TBC1D5: variants seen among roughly 807,000 people sequenced by gnomAD.
TBC1D5 encodes the protein TBC1 domain family, member 5.
Under a neutral mutation model 100.3 loss-of-function variants are expected in TBC1D5, and 75 were observed. The ratio of observed to expected loss-of-function variants is 0.75; its 90% CI spans 0.62 to 0.91. TBC1D5 has a LOEUF of 0.91. Ranked by LOEUF, TBC1D5 falls within the 40% of genes least tolerant of loss-of-function variation. The pLI, the probability that TBC1D5 is intolerant of heterozygous loss-of-function variation, is 0.00. For missense variants in TBC1D5, 910 were observed against 942.4 expected, an observed-to-expected ratio of 0.97 and a Z score of 0.45; for synonymous variants, 323 against 325.6, an observed-to-expected ratio of 0.99 and a Z score of 0.09.
intron 4 of TBC1D5, among the ~76,000 whole-genome samples, chr3:17,424,539 T>C (rs1329268334): frequency 1.3e-5 from 2 of 152,230 alleles, no homozygotes; most frequent in African/African-American, 4.8e-5. Flanking sequence ...AAGATATATT[T>C]CACAAAACCA....
chr3:17,454,742 G>A (rs1298202559), intron 3 of TBC1D5, among the ~76,000 whole-genome samples: 3 of 152,162 alleles, frequency 2.0e-5, no homozygotes, highest in Non-Finnish European at 2.9e-5. Context: ...TTACAGGCAT[G>A]AGCCACCGTG....
chr3:17,440,453 C>T lies in TBC1D5; in HGVS notation c.98-11934G>A, dbSNP rs1411836131. Among the ~76,000 whole-genome samples, 6 of 152,134 alleles carry T rather than the reference C, an allele frequency of 3.9e-5. No homozygotes were observed. The East Asian group carries it at 1.2e-3, about 29-fold the overall frequency. ...CCAGCCTGGGCTACATGGCAAAACT[C>T]ATATTTACAAAAAATTAGCCGGGCA... On this transcript the variant is annotated intron_variant, in intron 3 of 21. Transcript: ENST00000253692.
At chr3:17,532,467 C>T (rs1215403101) in intron 2 of TBC1D5, among the ~76,000 whole-genome samples, 1 of 152,086 alleles carries the variant, frequency 6.6e-6, no homozygotes, top group East Asian at 1.9e-4. Flanking sequence ...ACCATTTGAC[C>T]CAGCCATCCC....
intron 3 of TBC1D5, among the ~76,000 whole-genome samples, chr3:17,478,161 C>A (rs1177817450): frequency 6.6e-6 from 1 of 152,096 alleles, no homozygotes; most frequent in Non-Finnish European, 1.5e-5. Flanking sequence ...TACTGTTGAG[C>A]TCTCATTGCT....
intron 1 of TBC1D5, among the ~76,000 whole-genome samples, chr3:17,677,554 TA>T (rs1171804741): frequency 1.3e-5 from 2 of 152,192 alleles, no homozygotes; most frequent in Non-Finnish European, 2.9e-5. Context: ...GGTGGGACTG[TA>T]AACTAGTTCA....
intron 1 of TBC1D5, among the ~76,000 whole-genome samples, chr3:17,644,579 A>G (rs962674175): frequency 1.3e-5 from 2 of 152,154 alleles, no homozygotes; most frequent in Non-Finnish European, 2.9e-5. Context: ...ACTGCAGGCT[A>G]CAAAAGTTGA....
At chr3:17,280,968 A>C (rs2080522235) in intron 15 of TBC1D5, among the ~76,000 whole-genome samples, 1 of 152,208 alleles carries the variant, frequency 6.6e-6, no homozygotes, top group Admixed American at 6.5e-5. Flanking sequence ...TCAGGTGCCC[A>C]AAAGCACTCA....
chr3:17,392,369 T>TA (rs2093376359), intron 8 of TBC1D5, among the ~76,000 whole-genome samples: 1 of 151,372 alleles, frequency 6.6e-6, no homozygotes, highest in African/African-American at 2.5e-5. Flanking sequence ...GACCCTTTTT[T>TA]TAAAAAAAAA....
At chr3:17,385,393 C>T (rs2152262588) in intron 8 of TBC1D5, among the ~76,000 whole-genome samples, 1 of 152,110 alleles carries the variant, frequency 6.6e-6, no homozygotes, top group East Asian at 1.9e-4. Flanking sequence ...CTTAATGAGT[C>T]TTTTAAGAGC....
At chr3:17,302,317 G>A (rs2082931600) in intron 14 of TBC1D5, among the ~76,000 whole-genome samples, 1 of 152,048 alleles carries the variant, frequency 6.6e-6, no homozygotes. Flanking sequence ...TCTTCCCTCT[G>A]TGCATGTCTC....
At chr3:17,349,481 G>A (rs2090302159) in intron 13 of TBC1D5, among the ~76,000 whole-genome samples, 1 of 152,164 alleles carries the variant, frequency 6.6e-6, no homozygotes, top group Admixed American at 6.5e-5. Context: ...TCATTTGAGT[G>A]ATACTTCTCA....
intron 16 of TBC1D5, among the ~76,000 whole-genome samples, chr3:17,254,401 T>C (rs930103298): frequency 1.3e-5 from 2 of 152,246 alleles, no homozygotes; most frequent in Admixed American, 6.5e-5. Flanking sequence ...TATTTTATTT[T>C]ATCCATTATA....
At chr3:17,506,866 A>C (rs1024938481) in intron 3 of TBC1D5, among the ~76,000 whole-genome samples, 1 of 152,204 alleles carries the variant, frequency 6.6e-6, no homozygotes, top group Admixed American at 6.5e-5. Context: ...ACACAAAAAA[A>C]TTAGCCAGGC....
At position 17,598,944 on chromosome 3, in the gene TBC1D5, T is replaced by G. The variant is rs536020023; in HGVS notation, c.-36+24905A>C. Among the ~76,000 whole-genome samples, 3 of 152,262 alleles carry G rather than the reference T, an allele frequency of 2.0e-5. 1 individual carries two copies. In the South Asian group the frequency reaches 6.2e-4, roughly 32 times the overall value. ...GGTTGGATAATTATCAGGAACTTAG[T>G]GAGAAACATAGCTTTAAGGGTCAGG... On this transcript the variant is annotated intron_variant, in intron 2 of 21. Coordinates refer to ENST00000253692, the Ensembl canonical transcript of TBC1D5.
chr3:17,454,681 T>C (rs35521582), intron 3 of TBC1D5, among the ~76,000 whole-genome samples: 77,011 of 151,874 alleles, frequency 0.51, 21,418 homozygotes, highest in African/African-American at 0.72. Flanking sequence ...AGGATGGTCT[T>C]GATCTCCTGA....
chr3:17,740,521 A>G (rs1271950002), exon 1 of TBC1D5: 1 of 152,204 alleles, frequency 6.6e-6, no homozygotes. Context: ...AGTATAAATA[A>G]AAAGAAAAAA....
chr3:17,281,552 G>C (rs1017962522), intron 15 of TBC1D5, among the ~76,000 whole-genome samples: 1 of 152,308 alleles, frequency 6.6e-6, no homozygotes, highest in South Asian at 2.1e-4. Flanking sequence ...CTGAGGTATA[G>C]AGAAAATCTT....
At chr3:17,552,460 T>C (rs1170973212) in intron 2 of TBC1D5, among the ~76,000 whole-genome samples, 1 of 152,028 alleles carries the variant, frequency 6.6e-6, no homozygotes, top group East Asian at 1.9e-4. Context: ...GGAAGAACAT[T>C]CTGGAGGTTG....
chr3:17,203,617 G>A (rs1056437033), intron 18 of TBC1D5, among the ~76,000 whole-genome samples: 3 of 152,170 alleles, frequency 2.0e-5, no homozygotes, highest in Non-Finnish European at 4.4e-5. Flanking sequence ...TGGATCATGA[G>A]GTGGATTTCC....
Sources: gnomAD v4.1 joint callset for allele counts (sites outside exome capture counted in the v4.1 genomes callset) on GRCh38, gnomAD v4.1.1 for gene constraint, MANE v1.5 for transcripts, NCBI Gene and HGNC (gene_info 2026-07-23, HGNC 2026-07-21) for gene names.